The following GFRA1 variants were observed in gnomAD, a reference collection of about 807,000 sequenced individuals.
The protein encoded by GFRA1 is GDNF family receptor alpha-1.
A neutral mutation model predicts 51.6 loss-of-function variants in GFRA1; 16 were observed. The observed-to-expected ratio is 0.31, with a 90% CI of 0.21 to 0.47. The LOEUF is 0.47. Among genes scored for constraint, GFRA1 ranks in the 20% least tolerant of loss-of-function variants. The pLI is 1.00. For synonymous variants in GFRA1, 270 were observed against 241.3 expected (o/e 1.12, Z -1.10); for missense variants, 530 against 594.3 (o/e 0.89, Z 1.13).
In GFRA1 at chr10:116,057,787, A is replaced by G. The variant is rs561655088; in HGVS notation, c.*6611T>C. The G allele has an allele frequency of 6.6e-6, 1 of 152,068 alleles. No homozygotes were observed. The highest frequency in any genetic ancestry group is 2.1e-4 in the South Asian group (1 of 4,802). The allele number at this position is 152,068 out of a possible 1,614,324, so 9.4% of individuals were successfully genotyped here. A position where few individuals can be genotyped will look rare whatever the true frequency, so the allele number is the denominator to read the frequency against. ...AATCAGCTCTTCCTGAATCCAGAAA[A>G]GCACATCAGAAATGCCCAATGACAG... On this transcript the variant is annotated 3_prime_UTR_variant, in exon 11 of 11. Coordinates refer to ENST00000355422, the MANE Select transcript of GFRA1 (RefSeq NM_005264.8).
At chr10:116,209,960 G>A (rs1269847240) in intron 5 of GFRA1, among the ~76,000 whole-genome samples, 2 of 152,130 alleles carry the variant, frequency 1.3e-5, no homozygotes, top group African/African-American at 2.4e-5. Flanking sequence ...TACCTTATAA[G>A]GGAGCGGCCG....
intron 5 of GFRA1, among the ~76,000 whole-genome samples, chr10:116,151,325 A>C (rs898291863): frequency 6.6e-6 from 1 of 152,184 alleles, no homozygotes; most frequent in Non-Finnish European, 1.5e-5. Flanking sequence ...AAACATTCCA[A>C]GGGGACACTC....
chr10:116,192,310 G>A (rs965529760), intron 5 of GFRA1, among the ~76,000 whole-genome samples: 1 of 152,136 alleles, frequency 6.6e-6, no homozygotes, highest in Non-Finnish European at 1.5e-5. Context: ...GTGTGCACAG[G>A]TGTGCATATG....
At chr10:116,139,624 C>G (rs1203486409) in intron 5 of GFRA1, among the ~76,000 whole-genome samples, 1 of 152,256 alleles carries the variant, frequency 6.6e-6, no homozygotes, top group African/African-American at 2.4e-5. Context: ...TGCCTGGGCT[C>G]AGTCCAGCTG....
chr10:116,156,223 G>T (rs750357083), intron 5 of GFRA1, among the ~76,000 whole-genome samples: 2 of 152,158 alleles, frequency 1.3e-5, no homozygotes, highest in Admixed American at 6.5e-5. Flanking sequence ...CTTTGAATGA[G>T]AATAATCTAT....
At chr10:116,225,168 G>A (rs1176831903) in intron 4 of GFRA1, among the ~76,000 whole-genome samples, 1 of 152,058 alleles carries the variant, frequency 6.6e-6, no homozygotes, top group South Asian at 2.1e-4. Flanking sequence ...TCAGACACCA[G>A]ATTACAAAAA....
At chr10:116,126,564 A>G (rs888859249) in intron 5 of GFRA1, among the ~76,000 whole-genome samples, 1 of 152,252 alleles carries the variant, frequency 6.6e-6, no homozygotes, top group African/African-American at 2.4e-5. Flanking sequence ...GAAGTGATGG[A>G]AAAAACCTTC....
intron 8 of GFRA1, among the ~76,000 whole-genome samples, chr10:116,093,243 A>G (rs1956427093): frequency 6.6e-6 from 1 of 152,162 alleles, no homozygotes; most frequent in Non-Finnish European, 1.5e-5. Context: ...AATTTTTCTC[A>G]GAGAGTCCTT....
intron 5 of GFRA1, among the ~76,000 whole-genome samples, chr10:116,203,839 T>C (rs1964524143): frequency 6.6e-6 from 1 of 152,194 alleles, no homozygotes; most frequent in Non-Finnish European, 1.5e-5. Flanking sequence ...TAAACAGTTC[T>C]GTTGTTTTGT....
intron 6 of GFRA1, among the ~76,000 whole-genome samples, chr10:116,105,240 C>T (rs1956963647): frequency 6.6e-6 from 1 of 152,124 alleles, no homozygotes; most frequent in South Asian, 2.1e-4. Context: ...AAACCTTATC[C>T]AATAAGTCTT....
chr10:116,064,054 TGA>T lies in GFRA1; in HGVS notation c.*342_*343del, dbSNP rs1491105216. On this transcript the variant is annotated 3_prime_UTR_variant, in exon 11 of 11. Transcript: ENST00000355422. ...ACTGTTAAAATCATCATCATGATCA[TGA>T]TGATCATCATCATGATCATGATGAT... 6.1e-5 allele frequency: 7 copies of T among 114,156 alleles called. No homozygotes were observed. The South Asian group carries it at 7.0e-4, about 11-fold the overall frequency. 7.1% of individuals were successfully genotyped at this position (114,156 alleles called of 1,614,324 possible).
chr10:116,092,592 T>C (rs1249640991), intron 8 of GFRA1, among the ~76,000 whole-genome samples: 1 of 152,082 alleles, frequency 6.6e-6, no homozygotes, highest in African/African-American at 2.4e-5. Context: ...TTCAGGCCTA[T>C]GTTCTCATCC....
Position 116,057,989 on chromosome 10 carries a change from A to ATT in GFRA1, c.*6407_*6408dup, listed in dbSNP as rs1353019394. On this transcript the variant is annotated 3_prime_UTR_variant, in exon 11 of 11. Transcript: ENST00000355422. ...TGCTGGATCATATAGCCCTCCAATC[A>ATT]TTGTGTGTGTGTGTGTGTGTGTGTG... 1.5e-3 allele frequency: 140 copies of ATT among 94,158 alleles called. 2 individuals are homozygous for ATT. Among genetic ancestry groups the ATT allele is most frequent in the African/African-American group, 5.2e-3 (129 of 24,710 alleles). The allele number at this position is 94,158 out of a possible 1,614,324, so 5.8% of individuals were successfully genotyped here. A position where few individuals can be genotyped will look rare whatever the true frequency, so the allele number is the denominator to read the frequency against.
chr10:116,146,226 T>A (rs1271221528), intron 5 of GFRA1, among the ~76,000 whole-genome samples: 1 of 152,162 alleles, frequency 6.6e-6, no homozygotes. Context: ...CCAGGTTTTG[T>A]GGGGATAGAA....
At chr10:116,134,884 A>G (rs763339473) in intron 5 of GFRA1, among the ~76,000 whole-genome samples, 7 of 152,148 alleles carry the variant, frequency 4.6e-5, no homozygotes, top group Non-Finnish European at 5.9e-5. Context: ...AAAAAATTGG[A>G]TATCTCCTGT....
At chr10:116,073,299 GCTTA>G (rs1310295849) in intron 9 of GFRA1, among the ~76,000 whole-genome samples, 1 of 152,156 alleles carries the variant, frequency 6.6e-6, no homozygotes, top group Non-Finnish European at 1.5e-5. Context: ...CCCTGGCTGG[GCTTA>G]CTTCTTCTTT....
intron 4 of GFRA1, among the ~76,000 whole-genome samples, chr10:116,262,053 A>G (rs2134766128): frequency 6.6e-6 from 1 of 152,338 alleles, no homozygotes; most frequent in South Asian, 2.1e-4. Flanking sequence ...AAAAACAAAA[A>G]GGACATCCCT....
At position 116,060,064 on chromosome 10, in the gene GFRA1, T is replaced by G. The variant is rs1301207042; in HGVS notation, c.*4334A>C. On this transcript the variant is annotated 3_prime_UTR_variant, in exon 11 of 11. Transcript: ENST00000355422. ...AGCCAATATCCTGATATAAATGAAA[T>G]GTCCTACCGAATACATCCCAGGACG... The G allele has an allele frequency of 2.0e-5, 3 of 152,090 alleles. No individual in the cohort carries two copies. Among genetic ancestry groups the G allele is most frequent in the Non-Finnish European group, 4.4e-5 (3 of 68,008 alleles). 9.4% of individuals were successfully genotyped at this position (152,090 alleles called of 1,614,324 possible).
intron 4 of GFRA1, among the ~76,000 whole-genome samples, chr10:116,266,002 A>G (rs1394496174): frequency 6.6e-6 from 1 of 152,074 alleles, no homozygotes; most frequent in Non-Finnish European, 1.5e-5. Context: ...TCCCTTCTGC[A>G]TTTCAAGCTT....
Sources: allele counts gnomAD v4.1 joint callset (sites outside exome capture counted in the v4.1 genomes callset), GRCh38; gene constraint gnomAD v4.1.1; transcripts MANE v1.5; gene names NCBI Gene and HGNC (gene_info 2026-07-23, HGNC 2026-07-21).